The following EIPR1 variants were observed in gnomAD, a reference collection of about 807,000 sequenced individuals.
EIPR1 encodes the protein EARP complex and GARP complex interacting protein 1, also known as EARP and GARP complex-interacting protein 1.
A neutral mutation model predicts 48.1 loss-of-function variants in EIPR1; 25 were observed. The ratio of observed to expected loss-of-function variants is 0.52; its 90% CI spans 0.38 to 0.73. The LOEUF is 0.73. Ranked by LOEUF, EIPR1 falls within the 30% of genes least tolerant of loss-of-function variation. The pLI, the probability that EIPR1 is intolerant of heterozygous loss-of-function variation, is 0.00. For synonymous variants in EIPR1, 204 were observed against 201.9 expected (o/e 1.01, Z -0.09); for missense variants, 415 against 506.2 (o/e 0.82, Z 1.73).
intron 4 of EIPR1, among the ~76,000 whole-genome samples, chr2:3,229,110 G>A (rs184262031): frequency 1.3e-5 from 2 of 152,358 alleles, no homozygotes; most frequent in East Asian, 1.9e-4. Flanking sequence ...ACAAAATCTT[G>A]CAGTTGTTGT....
intron 3 of EIPR1, among the ~76,000 whole-genome samples, chr2:3,294,722 C>CA (rs1668485071): frequency 7.2e-6 from 1 of 139,262 alleles, no homozygotes; most frequent in Non-Finnish European, 1.5e-5. Flanking sequence ...TCTACACACA[C>CA]CCTCCATCCA....
At chr2:3,268,682 G>A (rs757748645) in intron 3 of EIPR1, among the ~76,000 whole-genome samples, 13 of 152,122 alleles carry the variant, frequency 8.5e-5, no homozygotes, top group East Asian at 1.9e-4. Flanking sequence ...CTAGGACAGC[G>A]CGCGCAAGGG....
chr2:3,360,009 G>A (rs1187496098), intron 1 of EIPR1, among the ~76,000 whole-genome samples: 1 of 152,178 alleles, frequency 6.6e-6, no homozygotes, highest in Non-Finnish European at 1.5e-5. Flanking sequence ...TCATGGTAAA[G>A]TAGGGTAGCT....
chr2:3,351,188 A>G (rs534365304), intron 2 of EIPR1, among the ~76,000 whole-genome samples: 7 of 152,104 alleles, frequency 4.6e-5, no homozygotes, highest in Admixed American at 6.6e-5. Context: ...TTTAGTAGAG[A>G]CAGGGTTTCA....
At position 3,189,428 on chromosome 2, in the gene EIPR1, G is replaced by A. The variant is rs199943703; in HGVS notation, c.1070C>T (p.Ser357Leu). The change falls in exon 9 of 9, where the codon TCG becomes TTG. Residue 357 changes from serine (S) to leucine (L), a missense_variant. Transcript: ENST00000382125. The surrounding 1 kb of genome is among the most constrained non-coding windows in gnomAD (Gnocchi z 4.6). ...GGAGGCAAACAGCCACGGGTCAGCC[G>A]AGGACCAGTCCACGGCATAGACGCT... ...EDSVYAVDWS[S>L]ADPWLFASLS... The A allele has an allele frequency of 8.1e-6, 13 of 1,597,822 alleles. No homozygotes were observed. Among genetic ancestry groups the A allele is most frequent in the Admixed American group, 6.9e-5 (4 of 58,278 alleles).
chr2:3,367,304 G>A (rs752914526), intron 1 of EIPR1, among the ~76,000 whole-genome samples: 29 of 152,152 alleles, frequency 1.9e-4, no homozygotes, highest in Non-Finnish European at 3.7e-4. Context: ...TTTGTTCACT[G>A]AATGAATGAT....
chr2:3,294,039 T>A (rs1668452104), intron 3 of EIPR1, among the ~76,000 whole-genome samples: 1 of 152,160 alleles, frequency 6.6e-6, no homozygotes, highest in African/African-American at 2.4e-5. Flanking sequence ...ATGTTTTCAT[T>A]CTTGAACTTT....
intron 4 of EIPR1, among the ~76,000 whole-genome samples, chr2:3,222,823 T>C (rs1384086228): frequency 4.6e-5 from 7 of 152,292 alleles, no homozygotes; most frequent in Middle Eastern, 3.4e-3. Flanking sequence ...ATCATCTTGC[T>C]AGGAGTCTAG....
chr2:3,237,067 A>G lies in EIPR1; in HGVS notation c.416+20232T>C, dbSNP rs566095035. Among the ~76,000 whole-genome samples, 13 of 152,260 alleles carry G rather than the reference A, an allele frequency of 8.5e-5. No individual in the cohort carries two copies. In the South Asian group the frequency reaches 2.5e-3, roughly 29 times the overall value. On this transcript the variant is annotated intron_variant, in intron 4 of 8. Transcript: ENST00000382125. ...GCCACAGCTCCTCACAAGGCACACA[A>G]AGACGCACCCAGGGAGGGATTAGAC...
At chr2:3,325,920 C>T (rs1222241833) in intron 3 of EIPR1, among the ~76,000 whole-genome samples, 1 of 152,268 alleles carries the variant, frequency 6.6e-6, no homozygotes, top group African/African-American at 2.4e-5. Context: ...GCTTAAGAAG[C>T]TCCCATCATG....
intron 3 of EIPR1, among the ~76,000 whole-genome samples, chr2:3,276,796 T>C (rs912468213): frequency 6.6e-6 from 1 of 152,240 alleles, no homozygotes; most frequent in African/African-American, 2.4e-5. Context: ...TTTCTCTAAG[T>C]TCTGGTTGTT....
At chr2:3,261,836 T>C (rs1558258584) in intron 3 of EIPR1, 1 of 152,128 alleles carries the variant, frequency 6.6e-6, no homozygotes, top group Non-Finnish European at 1.5e-5. Flanking sequence ...ACCTGTGGAG[T>C]TAATGGGAAG....
At chr2:3,377,464 G>GTCTC in intron 1 of EIPR1, 184 bp downstream of exon 1, 1 of 658,766 alleles carries the variant, frequency 1.5e-6, no homozygotes, top group Non-Finnish European at 2.4e-6. Context: ...GGCCAACCCT[G>GTCTC]TTATCCAGTA....
At chr2:3,366,029 C>T (rs747562175) in intron 1 of EIPR1, among the ~76,000 whole-genome samples, 3 of 152,058 alleles carry the variant, frequency 2.0e-5, no homozygotes, top group Non-Finnish European at 4.4e-5. Flanking sequence ...AAAAAGAGGC[C>T]CGGCATGGTG....
intron 3 of EIPR1, among the ~76,000 whole-genome samples, chr2:3,294,641 T>C (rs1381457040): frequency 3.0e-5 from 3 of 98,850 alleles, no homozygotes; most frequent in East Asian, 3.7e-4. Flanking sequence ...ATCCAGCCCA[T>C]CCTCTCTCCA....
At chr2:3,206,297 G>A (rs1053624964) in intron 5 of EIPR1, among the ~76,000 whole-genome samples, 12 of 152,206 alleles carry the variant, frequency 7.9e-5, no homozygotes, top group African/African-American at 2.4e-4. Context: ...AGGGTCACAC[G>A]GCAGGTAGGC....
chr2:3,204,931 G>A (rs1665177231), intron 5 of EIPR1, among the ~76,000 whole-genome samples: 1 of 152,018 alleles, frequency 6.6e-6, no homozygotes, highest in South Asian at 2.1e-4. Context: ...TGTGCTCCCA[G>A]CAGACCCTAC....
At chr2:3,254,634 T>C (rs1239745489) in intron 4 of EIPR1, among the ~76,000 whole-genome samples, 2 of 152,230 alleles carry the variant, frequency 1.3e-5, no homozygotes, top group African/African-American at 2.4e-5. Flanking sequence ...ATTCCATTTA[T>C]AGAACCTTCT....
chr2:3,245,105 T>A (rs1269687857), intron 4 of EIPR1, among the ~76,000 whole-genome samples: 1 of 152,234 alleles, frequency 6.6e-6, no homozygotes, highest in African/African-American at 2.4e-5. Context: ...TTAATTTTAA[T>A]AACATTTATA....
Sources: gnomAD v4.1 joint callset for allele counts (sites outside exome capture counted in the v4.1 genomes callset) on GRCh38, gnomAD v4.1.1 for gene constraint, Gnocchi (gnomAD v3.1) non-coding constraint, MANE v1.5 for transcripts, NCBI Gene and HGNC (gene_info 2026-07-23, HGNC 2026-07-21) for gene names.